Variants in SLC26A3 observed in about 807,000 individuals in gnomAD.
SLC26A3 encodes chloride anion exchanger.
A neutral mutation model predicts 85.6 loss-of-function variants in SLC26A3; 64 were observed. That is an observed-to-expected ratio of 0.75 (90% CI 0.61 to 0.92). The LOEUF is 0.92. SLC26A3 is among the 40% of genes least tolerant of loss of function. SLC26A3 has a pLI of 0.00. For synonymous variants in SLC26A3, 349 were observed against 336.0 expected, an observed-to-expected ratio of 1.04 and a Z score of -0.42; for missense variants, 922 against 927.3, an observed-to-expected ratio of 0.99 and a Z score of 0.07.
intron 5 of SLC26A3, 91 bp from the exon 6 acceptor site, chr7:107,789,779 A>G (rs1312477028): frequency 2.5e-5 from 33 of 1,341,472 alleles, no homozygotes; most frequent in Non-Finnish European, 3.3e-5. Context: ...ATTACACAAA[A>G]CGTAAAGGCT....
At chr7:107,802,458 G>A (rs547450224) in intron 1 of SLC26A3, among the ~76,000 whole-genome samples, 136 of 151,642 alleles carry the variant, frequency 9.0e-4, no homozygotes, top group African/African-American at 3.0e-3. Context: ...TCTTCTCTCC[G>A]TGTTTCCCTT....
At chr7:107,770,164 T>TC (rs1392355844) in intron 18 of SLC26A3, among the ~76,000 whole-genome samples, 1 of 11,822 alleles carries the variant, frequency 8.5e-5, no homozygotes, top group African/African-American at 5.1e-4. Flanking sequence ...TTTTTTTTTT[T>TC]TTTTTTTTTT....
At position 107,776,700 on chromosome 7, in the gene SLC26A3, T is replaced by C; in HGVS notation, c.1521A>G (p.Lys507=). 6.2e-7 allele frequency: 1 copy of C among 1,613,450 alleles called. No individual in the cohort carries two copies. The highest frequency in any genetic ancestry group is 8.5e-7 in the Non-Finnish European group (1 of 1,179,846). Reference sequence around the variant, plus strand: ...TTCCAATATTAGCCAGCGTGCTGCATTTTGGACTGTAGGGAGAAAAACACC... The same window carrying C: ...TTCCAATATTAGCCAGCGTGCTGCACTTTGGACTGTAGGGAGAAAAACACC... The part of the protein sequence containing the change: ...LTIVFRTQFP[K]CSTLANIGRT... The change falls in exon 14 of 21, where the codon AAA becomes AAG. Residue 507 remains lysine (K), a synonymous_variant. Coordinates refer to ENST00000340010, the MANE Select transcript of SLC26A3 (RefSeq NM_000111.3).
chr7:107,800,889 C>T (rs949401164), intron 1 of SLC26A3, among the ~76,000 whole-genome samples: 1 of 152,182 alleles, frequency 6.6e-6, no homozygotes. Context: ...GATGACAAAG[C>T]AGTGGGCAAT....
chr7:107,789,521 T>G lies in SLC26A3; in HGVS notation c.735+3A>C, dbSNP rs1794356832. The G allele has an allele frequency of 6.2e-7, 1 of 1,613,620 alleles. No individual in the cohort carries two copies. Among genetic ancestry groups the G allele is most frequent in the Non-Finnish European group, 8.5e-7 (1 of 1,179,726 alleles). On this transcript the variant is annotated splice_donor_region_variant and intron_variant, in intron 6 of 20. Transcript: ENST00000340010. The stretch of plus-strand genomic sequence containing the variant: ...GTATTTTTTAGGTGAAAGAAATACT[T>G]ACTTTGAAAATTGAAACTGGATCAG...
intron 20 of SLC26A3, among the ~76,000 whole-genome samples, chr7:107,767,062 C>T (rs962859351): frequency 3.3e-5 from 5 of 152,138 alleles, no homozygotes; most frequent in Non-Finnish European, 5.9e-5. Context: ...TAGAAATGAA[C>T]ATCTACAATG....
At chr7:107,797,459 A>C (rs1224977099) in intron 1 of SLC26A3, among the ~76,000 whole-genome samples, 1 of 151,974 alleles carries the variant, frequency 6.6e-6, no homozygotes, top group Non-Finnish European at 1.5e-5. Context: ...ATGCCCCTGC[A>C]CTCCAGCCTG....
chr7:107,795,503 T>A (rs1390200107), intron 1 of SLC26A3, among the ~76,000 whole-genome samples: 2 of 152,204 alleles, frequency 1.3e-5, no homozygotes, highest in East Asian at 3.8e-4. Context: ...CAGTTACCCT[T>A]ATTATTTTAT....
At position 107,789,532 on chromosome 7, in the gene SLC26A3, T is replaced by C; in HGVS notation, c.727A>G (p.Ile243Val). 1.2e-6 allele frequency: 2 copies of C among 1,613,976 alleles called. No individual in the cohort carries two copies. The highest frequency in any genetic ancestry group is 8.5e-7 in the Non-Finnish European group (1 of 1,179,936). ...GTGAAAGAAATACTTACTTTGAAAA[T>C]TGAAACTGGATCAGTGTGTGACGGG... ...TVPSHTDPVS[I>V]FKVLYSVFSQ... Residue 243 changes from isoleucine (I) to valine (V), a missense_variant, in exon 6 of 21, where the codon ATT (isoleucine) becomes GTT (valine). Coordinates refer to ENST00000340010, the MANE Select transcript of SLC26A3 (RefSeq NM_000111.3).
intron 16 of SLC26A3, among the ~76,000 whole-genome samples, chr7:107,774,554 AAAC>A (rs1486071843): frequency 5.9e-5 from 9 of 152,228 alleles, no homozygotes; most frequent in Admixed American, 1.3e-4. Flanking sequence ...ACACTGTCTC[AAAC>A]AACAACAAGA....
intron 1 of SLC26A3, among the ~76,000 whole-genome samples, chr7:107,796,040 C>T (rs1794490582): frequency 6.6e-6 from 1 of 152,098 alleles, no homozygotes; most frequent in Non-Finnish European, 1.5e-5. Context: ...TTCTGCCCCA[C>T]ATCTCTGGCT....
At chr7:107,767,970 T>G (rs562573469) in intron 18 of SLC26A3, 62 bp from the exon 19 acceptor site, 9 of 1,510,296 alleles carry the variant, frequency 6.0e-6, no homozygotes, top group Non-Finnish European at 7.3e-6. Context: ...GGTTTCCCCT[T>G]GAGGCTAGTA....
chr7:107,788,791 T>C (rs538017336), intron 6 of SLC26A3, among the ~76,000 whole-genome samples: 27 of 145,450 alleles, frequency 1.9e-4, no homozygotes, highest in African/African-American at 6.0e-4. Flanking sequence ...TTTCTTTTTT[T>C]TTTTTTTTTT....
In SLC26A3 at chr7:107,794,267, G is replaced by C; in HGVS notation, c.131+112C>G. 7.3e-6 allele frequency: 9 copies of C among 1,234,342 alleles called. No homozygotes were observed. In the Admixed American group the frequency reaches 8.6e-5, roughly 12 times the overall value. The allele number at this position is 1,234,342 out of a possible 1,614,324, so 76.5% of individuals were successfully genotyped here. Reference sequence around the variant, plus strand: ...GGAGGTTTGGAAACTAAAGAGGAAAGGACTGTAGGCTGTGGACTAGAGCCA... The same window carrying C: ...GGAGGTTTGGAAACTAAAGAGGAAACGACTGTAGGCTGTGGACTAGAGCCA... On this transcript the variant is annotated intron_variant, in intron 2 of 20. Transcript: ENST00000340010.
At chr7:107,775,213 T>TA (rs1257726230) in intron 15 of SLC26A3, among the ~76,000 whole-genome samples, 1 of 152,216 alleles carries the variant, frequency 6.6e-6, no homozygotes, top group Non-Finnish European at 1.5e-5. Flanking sequence ...TATTTTCTAT[T>TA]TATTGAGTAC....
chr7:107,798,781 T>A (rs1794554436), intron 1 of SLC26A3, among the ~76,000 whole-genome samples: 1 of 152,204 alleles, frequency 6.6e-6, no homozygotes, highest in Admixed American at 6.5e-5. Flanking sequence ...GCCTGAAATC[T>A]GCTGAAAACA....
chr7:107,790,042 C>T (rs1402111065), intron 5 of SLC26A3, among the ~76,000 whole-genome samples: 2 of 152,220 alleles, frequency 1.3e-5, no homozygotes, highest in Non-Finnish European at 2.9e-5. Context: ...CATCAGCCCT[C>T]ATAAATTTGC....
rs757910330 is a variant in SLC26A3, at chr7:107,782,996, G to A, written c.1217C>T (p.Thr406Ile). 1.9e-6 allele frequency: 3 copies of A among 1,614,118 alleles called. No individual in the cohort carries two copies. In the East Asian group the frequency reaches 6.7e-5, roughly 36 times the overall value. ...ALSRSAVQES[T>I]GGKTQIAGLI... Reference sequence around the variant, plus strand: ...TTGACATACCTGTGTTTTGCCTCCTGTGCTCTCCTGAACTGCTGATCTGGA... The same window carrying A: ...TTGACATACCTGTGTTTTGCCTCCTATGCTCTCCTGAACTGCTGATCTGGA... Residue 406 changes from threonine to isoleucine, a missense_variant, in exon 10 of 21, where the codon ACA (threonine) becomes ATA (isoleucine). Coordinates refer to ENST00000340010, the MANE Select transcript of SLC26A3 (RefSeq NM_000111.3).
Position 107,787,350 on chromosome 7 carries a change from C to A in SLC26A3, c.888+7G>T, listed in dbSNP as rs758176955. ...AGCTATGACAGAGTCTGAAAATGAT[C>A]AATTACCATAATGAATTCGATTGGA... On this transcript the variant is annotated splice_region_variant and intron_variant, in intron 7 of 20. Transcript: ENST00000340010. The A allele has an allele frequency of 4.3e-6, 7 of 1,613,704 alleles. No individual in the cohort carries two copies. In the Admixed American group the frequency reaches 5.0e-5, roughly 12 times the overall value.
Sources: allele counts gnomAD v4.1 joint callset (sites outside exome capture counted in the v4.1 genomes callset), GRCh38; gene constraint gnomAD v4.1.1; transcripts MANE v1.5; gene names NCBI Gene and HGNC (gene_info 2026-07-23, HGNC 2026-07-21).